DHX58: variants seen among roughly 807,000 people sequenced by gnomAD.
The protein encoded by DHX58 is DExH-box helicase 58, also known as ATP-dependent RNA helicase DHX58.
Under a neutral mutation model 65.0 loss-of-function variants are expected in DHX58, and 51 were observed. That is an observed-to-expected ratio of 0.78 (90% CI 0.63 to 0.99). The LOEUF (loss-of-function observed/expected upper bound fraction) is 0.99. Ranked by LOEUF, DHX58 falls within the 50% of genes least tolerant of loss-of-function variation. The pLI, the probability that DHX58 is intolerant of heterozygous loss-of-function variation, is 0.00. For synonymous variants in DHX58, 350 were observed against 365.0 expected (o/e 0.96, Z 0.47); for missense variants, 773 against 891.8 (o/e 0.87, Z 1.70).
Position 42,107,622 on chromosome 17 carries a change from G to C in DHX58, c.979C>G (p.Leu327Val), listed in dbSNP as rs1555663010. ...KTQILCAERRLLALFDDRKNE... is the reference protein window; with the variant it reads ...KTQILCAERRVLALFDDRKNE... ...CCCTCACCATCGAACAGGGCCAGCA[G>C]CCGGCGCTCGGCACACAGGATCTGG... Residue 327 changes from leucine (L) to valine (V), a missense_variant, in exon 8 of 14, where the codon CTG becomes GTG. Coordinates refer to ENST00000251642, the MANE Select transcript of DHX58 (RefSeq NM_024119.3). 1 of 1,519,530 alleles carries C rather than the reference G, an allele frequency of 6.6e-7. No homozygotes were observed. Among genetic ancestry groups the C allele is most frequent in the Non-Finnish European group, 8.9e-7 (1 of 1,122,394 alleles). 94.1% of individuals were successfully genotyped at this position (1,519,530 alleles called of 1,614,324 possible). A position where few individuals can be genotyped will look rare whatever the true frequency, so the allele number is the denominator to read the frequency against.
rs547069695 is a variant in DHX58 at position 42,112,372 on chromosome 17, C to T, written c.-94-167G>A. 35 of 292,736 alleles carry T rather than the reference C, an allele frequency of 1.2e-4. 1 individual carries two copies. In the East Asian group the frequency reaches 3.7e-3, roughly 31 times the overall value. The allele number at this position is 292,736 out of a possible 1,614,324, so 18.1% of individuals were successfully genotyped here. A position where few individuals can be genotyped will look rare whatever the true frequency, so the allele number is the denominator to read the frequency against. On this transcript the variant is annotated intron_variant, in intron 1 of 13. Transcript: ENST00000251642. ...GCCAGCGCCCTGGCAGGCATGATCA[C>T]CTCCCATTGGTAGGGCCACAGCTCC... is the stretch of plus-strand genomic sequence containing the variant.
In DHX58 at chr17:42,105,059, C is replaced by T. The variant is rs1555662325; in HGVS notation, c.1360G>A (p.Val454Met). The change falls in exon 10 of 14, where the codon GTG (valine) becomes ATG (methionine). Residue 454 changes from valine to methionine, a missense_variant. Transcript: ENST00000251642. ...GLDIPHCNVVVRYGLLTNEIS... is the reference protein window; with the variant it reads ...GLDIPHCNVVMRYGLLTNEIS... ...TCATTGGTCAAGAGCCCATAACGCA[C>T]CACCACATTGCAATGTGGGATGTCC... The T allele has an allele frequency of 1.9e-6, 3 of 1,613,832 alleles. No homozygotes were observed. The highest frequency in any genetic ancestry group is 2.5e-6 in the Non-Finnish European group (3 of 1,179,988).
chr17:42,112,562 A>G (rs1378248751), intron 1 of DHX58, 43 bp downstream of exon 1: 4 of 111,254 alleles, frequency 3.6e-5, no homozygotes, highest in African/African-American at 1.9e-4. Flanking sequence ...TGCTGTGGCC[A>G]AAAGGTGGGG....
chr17:42,104,966 G>A lies in DHX58; in HGVS notation c.1402-39C>T, dbSNP rs1555662294. On this transcript the variant is annotated intron_variant, in intron 10 of 13. Transcript: ENST00000251642. Reference sequence around the variant, plus strand: ...CAAGGGGTGTCCTGAGTTGGGCTGGGGCCCCACACAGGATCCTATAAGGGC... The same window carrying A: ...CAAGGGGTGTCCTGAGTTGGGCTGGAGCCCCACACAGGATCCTATAAGGGC... 1.9e-6 allele frequency: 3 copies of A among 1,613,110 alleles called. No homozygotes were observed. In the South Asian group the frequency reaches 3.3e-5, roughly 18 times the overall value.
intron 3 of DHX58, 76 bp downstream of exon 3, chr17:42,111,649 G>A (rs751540868): frequency 6.4e-7 from 1 of 1,570,906 alleles, no homozygotes; most frequent in Non-Finnish European, 8.7e-7. Flanking sequence ...TGGAGTTCTG[G>A]TGGGGACTGG....
At position 42,102,243 on chromosome 17, in the gene DHX58, A is replaced by C. The variant is rs781953225; in HGVS notation, c.1824T>G (p.Gly608=). The stretch of plus-strand genomic sequence containing the variant: ...CCCCACAGTTCCTGCAGCTGATGAC[A>C]CCCCCAGGCTTCCAGTCCTTGAAGA... The part of the protein sequence containing the change: ...NKVFKDWKPG[G]VISCRNCGEV... Residue 608 remains glycine, a synonymous_variant, in exon 13 of 14, where the codon GGT becomes GGG. Transcript: ENST00000251642. 6.2e-7 allele frequency: 1 copy of C among 1,613,860 alleles called. No individual in the cohort carries two copies.
intron 6 of DHX58, 113 bp downstream of exon 6, chr17:42,109,157 C>T: frequency 1.2e-6 from 1 of 818,632 alleles, no homozygotes; most frequent in Non-Finnish European, 1.9e-6. Flanking sequence ...GGCTTGGATA[C>T]ATAGCAAGTG....
intron 1 of DHX58, 31 bp downstream of exon 1, chr17:42,112,574 T>TA (rs2054176832): frequency 2.6e-5 from 2 of 76,720 alleles, no homozygotes; most frequent in African/African-American, 9.4e-5. Context: ...AAGGTGGGGG[T>TA]GGGGGGGGGT....
Position 42,105,777 on chromosome 17 carries a change from TCAGTAGCTGGGCCCGGATGTCCA to T in DHX58, c.1187_1209del (p.Val396AspfsTer59). ...CTCTGGCTGCTGTTCCCAGCCCCAA[TCAGTAGCTGGGCCCGGATGTCCA>T]CAGTCTGCAGGCCCTGCTGCTGCTG... is the stretch of plus-strand genomic sequence containing the variant. On this transcript the variant is annotated frameshift_variant, in exon 9 of 14. Coordinates refer to ENST00000251642, the MANE Select transcript of DHX58 (RefSeq NM_024119.3). LOFTEE classifies it high-confidence loss of function. The T allele has an allele frequency of 6.2e-7, 1 of 1,608,246 alleles. No homozygotes were observed. Among genetic ancestry groups the T allele is most frequent in the Non-Finnish European group, 8.5e-7 (1 of 1,176,788 alleles).
intron 8 of DHX58, among the ~76,000 whole-genome samples, chr17:42,106,475 C>G (rs797038090): frequency 7.9e-5 from 12 of 151,896 alleles, no homozygotes; most frequent in African/African-American, 2.9e-4. Flanking sequence ...TCCTGCTCAA[C>G]TCCCCCACAG....
intron 13 of DHX58, 44 bp downstream of exon 13, chr17:42,102,172 G>A (rs1555661661): frequency 2.5e-6 from 4 of 1,602,882 alleles, no homozygotes; most frequent in Non-Finnish European, 8.5e-7. Context: ...TCTGAAGACT[G>A]GGGCTGAGGA....
rs536922316 is a variant in DHX58 at position 42,111,997 on chromosome 17, A to T, written c.-1-104T>A. On this transcript the variant is annotated intron_variant, in intron 2 of 13. Coordinates refer to ENST00000251642, the MANE Select transcript of DHX58 (RefSeq NM_024119.3). ...CTCCCTTTGCCCAGGACTCCACCCC[A>T]CTTGAGGGAGGTGGGGCAGGACTCC... 8.6e-6 allele frequency: 12 copies of T among 1,397,118 alleles called. No homozygotes were observed. In the African/African-American group the frequency reaches 1.6e-4, roughly 18 times the overall value. The allele number at this position is 1,397,118 out of a possible 1,614,324, so 86.5% of individuals were successfully genotyped here.
rs1555661937 is a variant in DHX58, at chr17:42,103,615, T to C, written c.1747A>G (p.Asn583Asp). The change falls in exon 12 of 14, where the codon AAC becomes GAC. Residue 583 changes from asparagine (N) to aspartate (D), a missense_variant. By Grantham distance (23) the Asn-to-Asp change is conservative. Transcript: ENST00000251642. The part of the protein sequence containing the change: ...EGTHHVNVNP[N>D]FSNYYNVSRD... ...CCCTTCCACAGGTCTCACGAGAAGT[T>C]GGGGTTCACATTGACATGGTGGGTG... The C allele has an allele frequency of 1.2e-5, 19 of 1,614,026 alleles. No individual in the cohort carries two copies. The highest frequency in any genetic ancestry group is 2.2e-5 in the East Asian group (1 of 44,880).
intron 4 of DHX58, 79 bp downstream of exon 4, chr17:42,111,217 G>T: frequency 3.9e-6 from 6 of 1,527,514 alleles, no homozygotes; most frequent in South Asian, 2.5e-5. Context: ...CCAACACCTT[G>T]ACTCCAGGAG....
At chr17:42,105,388 G>A (rs1555662423) in intron 9 of DHX58, among the ~76,000 whole-genome samples, 1 of 151,918 alleles carries the variant, frequency 6.6e-6, no homozygotes, top group African/African-American at 2.4e-5. Flanking sequence ...ACTCCTAAGG[G>A]TCCCTGCCCC....
rs782639011 is a variant in DHX58, at chr17:42,111,284, C to T, written c.370+12G>A. The T allele has an allele frequency of 3.1e-6, 5 of 1,606,872 alleles. No homozygotes were observed. Among genetic ancestry groups the T allele is most frequent in the Non-Finnish European group, 4.3e-6 (5 of 1,174,142 alleles). On this transcript the variant is annotated intron_variant, in intron 4 of 13. Transcript: ENST00000251642. Reference sequence around the variant, plus strand: ...AGATGCGTATCTTTTTCCTCCCGGCCATGGCCCTCACCAGTGAGCTCCACG... The same window carrying T: ...AGATGCGTATCTTTTTCCTCCCGGCTATGGCCCTCACCAGTGAGCTCCACG...
At chr17:42,108,767 G>A (rs1284264834) in intron 6 of DHX58, among the ~76,000 whole-genome samples, 1 of 151,746 alleles carries the variant, frequency 6.6e-6, no homozygotes, top group Non-Finnish European at 1.5e-5. Context: ...GGTGGACAGT[G>A]TGAGAGAGCC....
At position 42,102,285 on chromosome 17, in the gene DHX58, A is replaced by G; in HGVS notation, c.1782T>C (p.Pro594=). ...FSNYYNVSRD[P]VVINKVFKDW... Reference sequence around the variant, plus strand: ...CCTTGAAGACTTTGTTGATGACCACAGGATCCCTGGAGACATTATAGTAGT... The same window carrying G: ...CCTTGAAGACTTTGTTGATGACCACGGGATCCCTGGAGACATTATAGTAGT... Residue 594 remains proline (P), a synonymous_variant, in exon 13 of 14, where the codon CCT becomes CCC. Coordinates refer to ENST00000251642, the MANE Select transcript of DHX58 (RefSeq NM_024119.3). The G allele has an allele frequency of 6.2e-7, 1 of 1,614,176 alleles. No individual in the cohort carries two copies. Among genetic ancestry groups the G allele is most frequent in the Non-Finnish European group, 8.5e-7 (1 of 1,180,006 alleles).
In DHX58 at chr17:42,112,112, C is replaced by A. The variant is rs2054166901; in HGVS notation, c.-2+1G>T. ...TGCCCCCTGCCCAGCCCAGGACTCA[C>A]CTGCTCTAGTAGGTAGGTCTGCCCA... On this transcript the variant is annotated splice_donor_variant, in intron 2 of 13. Transcript: ENST00000251642. LOFTEE classifies it low-confidence loss of function (5UTR_SPLICE). 2 of 532,942 alleles carry A rather than the reference C, an allele frequency of 3.8e-6. No homozygotes were observed. Among genetic ancestry groups the A allele is most frequent in the South Asian group, 3.0e-5 (1 of 33,310 alleles). 33.0% of individuals were successfully genotyped at this position (532,942 alleles called of 1,614,324 possible). A position where few individuals can be genotyped will look rare whatever the true frequency, so the allele number is the denominator to read the frequency against.
Sources: allele counts gnomAD v4.1 joint callset (sites outside exome capture counted in the v4.1 genomes callset), GRCh38; gene constraint gnomAD v4.1.1; transcripts MANE v1.5; gene names NCBI Gene and HGNC (gene_info 2026-07-23, HGNC 2026-07-21).